The following CDH13 variants were observed in gnomAD, a reference collection of about 807,000 sequenced individuals.
CDH13 encodes cadherin 13.
Under a neutral mutation model 63.8 loss-of-function variants are expected in CDH13, and 24 were observed. That is an observed-to-expected ratio of 0.38 (90% CI 0.27 to 0.53). The LOEUF (loss-of-function observed/expected upper bound fraction) is 0.53. Ranked by LOEUF, CDH13 falls within the 20% of genes least tolerant of loss-of-function variation. The pLI, the probability that CDH13 is intolerant of heterozygous loss-of-function variation, is 0.85. For missense variants in CDH13, 1,049 were observed against 903.1 expected (o/e 1.16, Z -2.07); for synonymous variants, 503 against 355.3 (o/e 1.42, Z -4.67).
intron 10 of CDH13, among the ~76,000 whole-genome samples, chr16:83,700,377 C>G (rs762361312): frequency 8.5e-5 from 13 of 152,198 alleles, no homozygotes; most frequent in African/African-American, 3.1e-4. Context: ...CAAAAGGGCT[C>G]TCTGTCTTTA....
At chr16:83,184,879 A>T (rs1000800441) in intron 4 of CDH13, among the ~76,000 whole-genome samples, 1 of 145,676 alleles carries the variant, frequency 6.9e-6, no homozygotes, top group African/African-American at 2.6e-5. Flanking sequence ...GTGATGTCTA[A>T]GCCGTGTGTG....
chr16:83,696,851 C>T (rs1905474058), intron 10 of CDH13, among the ~76,000 whole-genome samples: 1 of 152,158 alleles, frequency 6.6e-6, no homozygotes. Context: ...TAAACTGAAG[C>T]TCAGATCCCG....
At position 83,493,669 on chromosome 16, in the gene CDH13, G is replaced by A. The variant is rs117428372; in HGVS notation, c.960+7014G>A. ...TAGAGAGATACCAGAAAAGGGCAGG[G>A]AGTTTGAACAAGATTGCAAAAGGCT... On this transcript the variant is annotated intron_variant, in intron 7 of 13. Transcript: ENST00000567109. 2.4e-3 allele frequency among the ~76,000 whole-genome samples: 368 copies of A among 152,264 alleles called. 10 individuals are homozygous for A. In the East Asian group the frequency reaches 0.037, roughly 16 times the overall value.
At chr16:83,480,777 C>G (rs1046088394) in intron 6 of CDH13, among the ~76,000 whole-genome samples, 1 of 152,168 alleles carries the variant, frequency 6.6e-6, no homozygotes, top group Non-Finnish European at 1.5e-5. Context: ...CAAACCCATT[C>G]AAACTAAAGA....
chr16:83,644,220 T>A (rs999734023), intron 8 of CDH13, among the ~76,000 whole-genome samples: 1 of 152,240 alleles, frequency 6.6e-6, no homozygotes, highest in African/African-American at 2.4e-5. Context: ...TTATTTCCAC[T>A]AAGTAAACCC....
chr16:83,690,291 G>C (rs1904721120), intron 10 of CDH13, among the ~76,000 whole-genome samples: 2 of 152,228 alleles, frequency 1.3e-5, no homozygotes, highest in African/African-American at 2.4e-5. Flanking sequence ...TTAATGCAAA[G>C]AAAGGAAGCA....
At chr16:83,078,510 C>G (rs1220031117) in intron 3 of CDH13, among the ~76,000 whole-genome samples, 1 of 152,216 alleles carries the variant, frequency 6.6e-6, no homozygotes, top group Non-Finnish European at 1.5e-5. Context: ...GCTGATCTCA[C>G]AAGAGGTGGA....
At chr16:83,201,053 A>G (rs550503104) in intron 4 of CDH13, among the ~76,000 whole-genome samples, 52 of 152,160 alleles carry the variant, frequency 3.4e-4, no homozygotes, top group African/African-American at 1.2e-3. Flanking sequence ...ACTCAAGCCC[A>G]AGAAGCAGAA....
chr16:82,915,499 G>A (rs2041958541), intron 2 of CDH13, among the ~76,000 whole-genome samples: 1 of 152,112 alleles, frequency 6.6e-6, no homozygotes, highest in South Asian at 2.1e-4. Flanking sequence ...TACAGGGATC[G>A]TTTTAGCCTC....
At chr16:82,791,844 C>A (rs1472652546) in intron 1 of CDH13, among the ~76,000 whole-genome samples, 1 of 152,220 alleles carries the variant, frequency 6.6e-6, no homozygotes, top group African/African-American at 2.4e-5. Flanking sequence ...ATAACACTCA[C>A]TGCATGTGCC....
intron 6 of CDH13, among the ~76,000 whole-genome samples, chr16:83,365,912 C>G (rs2091249730): frequency 6.6e-6 from 1 of 152,138 alleles, no homozygotes; most frequent in African/African-American, 2.4e-5. Flanking sequence ...CCCAGGGACT[C>G]CAATAAGGAA....
intron 5 of CDH13, among the ~76,000 whole-genome samples, chr16:83,231,999 T>A (rs985692652): frequency 6.6e-6 from 1 of 151,910 alleles, no homozygotes; most frequent in Non-Finnish European, 1.5e-5. Context: ...TTCTAACTTA[T>A]AAGTGGGAGC....
intron 4 of CDH13, among the ~76,000 whole-genome samples, chr16:83,134,554 AGAG>A (rs2036195699): frequency 1.9e-5 from 1 of 52,842 alleles, no homozygotes; most frequent in Non-Finnish European, 3.8e-5. Context: ...GGAGAGAGAG[AGAG>A]AGAGAGAGAG....
intron 8 of CDH13, among the ~76,000 whole-genome samples, chr16:83,652,978 TG>T (rs1167229129): frequency 2.0e-5 from 3 of 152,178 alleles, no homozygotes; most frequent in African/African-American, 7.2e-5. Context: ...CACAAAGGAC[TG>T]AAGTACTGAT....
In CDH13 at chr16:83,088,244, C is replaced by G. The variant is rs557238011; in HGVS notation, c.367-37141C>G. The stretch of plus-strand genomic sequence containing the variant: ...AACTCTGACATGTTATTTCCTTATG[C>G]TGAGGGTGTCTTGTTGAGTTTCATG... On this transcript the variant is annotated intron_variant, in intron 3 of 13. Coordinates refer to ENST00000567109, the MANE Select transcript of CDH13 (RefSeq NM_001257.5). Among the ~76,000 whole-genome samples the G allele has an allele frequency of 7.9e-5, 12 of 152,246 alleles. No homozygotes were observed. In the South Asian group the frequency reaches 8.3e-4, roughly 11 times the overall value.
chr16:82,756,795 A>G (rs1340797602), intron 1 of CDH13, among the ~76,000 whole-genome samples: 1 of 152,224 alleles, frequency 6.6e-6, no homozygotes, highest in East Asian at 1.9e-4. Flanking sequence ...AGCTCCTCTT[A>G]GAACTGAAAA....
At position 83,680,631 on chromosome 16, in the gene CDH13, GAGAAAGCAACCT is replaced by G. The variant is rs576847202; in HGVS notation, c.1538+2176_1538+2187del. Among the ~76,000 whole-genome samples, 48 of 152,272 alleles carry G rather than the reference GAGAAAGCAACCT, an allele frequency of 3.2e-4. 2 individuals are homozygous for G. In the East Asian group the frequency reaches 8.3e-3, roughly 26 times the overall value. ...GCTGTGTGAGAGAAGAAGGAGGTCAGAGAAAGCAACCTAGAAATGACTTGAGGTGGCACCTGT... is the reference window on the plus strand; with the variant it reads ...GCTGTGTGAGAGAAGAAGGAGGTCAGAGAAATGACTTGAGGTGGCACCTGT... On this transcript the variant is annotated intron_variant, in intron 10 of 13. Transcript: ENST00000567109.
intron 1 of CDH13, among the ~76,000 whole-genome samples, chr16:82,795,175 T>C (rs994190330): frequency 1.3e-5 from 2 of 152,234 alleles, no homozygotes; most frequent in Non-Finnish European, 2.9e-5. Flanking sequence ...ATGGAAGTTT[T>C]AGCTCTGGTC....
intron 2 of CDH13, among the ~76,000 whole-genome samples, chr16:82,940,368 C>G (rs1478965165): frequency 1.3e-5 from 2 of 152,022 alleles, no homozygotes; most frequent in African/African-American, 4.8e-5. Context: ...ATTATGACAC[C>G]AGAATGAGCT....
Sources: allele counts gnomAD v4.1 joint callset (sites outside exome capture counted in the v4.1 genomes callset), GRCh38; gene constraint gnomAD v4.1.1; transcripts MANE v1.5; gene names NCBI Gene and HGNC (gene_info 2026-07-23, HGNC 2026-07-21).